CCDC102A: variants seen among roughly 807,000 people sequenced by gnomAD.
The protein encoded by CCDC102A is coiled-coil domain-containing protein 102A.
CCDC102A carries 40 observed loss-of-function variants against 55.5 expected under a neutral mutation model. That is an observed-to-expected ratio of 0.72 (90% CI 0.56 to 0.94). The LOEUF (loss-of-function observed/expected upper bound fraction) is 0.94. Among genes scored for constraint, CCDC102A ranks in the 40% least tolerant of loss-of-function variants. The pLI, the probability that CCDC102A is intolerant of heterozygous loss-of-function variation, is 0.00. For synonymous variants in CCDC102A, 323 were observed against 339.0 expected (o/e 0.95, Z 0.52); for missense variants, 779 against 768.6 (o/e 1.01, Z -0.16).
At position 57,516,183 on chromosome 16, in the gene CCDC102A, G is replaced by A; in HGVS notation, c.1419+110C>T. On this transcript the variant is annotated intron_variant, in intron 7 of 8. Transcript: ENST00000258214. This position sits in a 1 kb window ranked among gnomAD's most constrained non-coding sequence, Gnocchi z 4.4. ...ATCCTGGGCGACTCCTGAGAGACAG[G>A]CTTGTGCCAGGCACCAGGGGCTGAG... is the stretch of plus-strand genomic sequence containing the variant. 8.9e-7 allele frequency: 1 copy of A among 1,120,658 alleles called. No individual in the cohort carries two copies. Among genetic ancestry groups the A allele is most frequent in the East Asian group, 2.5e-5 (1 of 40,022 alleles). The allele number at this position is 1,120,658 out of a possible 1,614,324, so 69.4% of individuals were successfully genotyped here.
Position 57,529,189 on chromosome 16 carries a change from G to T in CCDC102A, c.-12C>A, listed in dbSNP as rs2032205511. ...GGCCCGTGGCTCATGGTGCGGCCGGGCGGGCCCTGAGCTCGAACTCGCGGT... is the reference window on the plus strand; with the variant it reads ...GGCCCGTGGCTCATGGTGCGGCCGGTCGGGCCCTGAGCTCGAACTCGCGGT... On this transcript the variant is annotated 5_prime_UTR_variant, in exon 2 of 9. Transcript: ENST00000258214. This position sits in a 1 kb window ranked among gnomAD's most constrained non-coding sequence, Gnocchi z 4.1. 1 of 1,177,832 alleles carries T rather than the reference G, an allele frequency of 8.5e-7. No individual in the cohort carries two copies. Among genetic ancestry groups the T allele is most frequent in the Admixed American group, 4.6e-5 (1 of 21,932 alleles). 73.0% of individuals were successfully genotyped at this position (1,177,832 alleles called of 1,614,324 possible). A position where few individuals can be genotyped will look rare whatever the true frequency, so the allele number is the denominator to read the frequency against.
At position 57,516,980 on chromosome 16, in the gene CCDC102A, AG is replaced by A. The variant is rs1429896529; in HGVS notation, c.1249-518del. Among the ~76,000 whole-genome samples the A allele has an allele frequency of 6.6e-6, 1 of 152,122 alleles. No homozygotes were observed. Among genetic ancestry groups the A allele is most frequent in the African/African-American group, 2.4e-5 (1 of 41,406 alleles). On this transcript the variant is annotated intron_variant, in intron 6 of 8. Coordinates refer to ENST00000258214, the MANE Select transcript of CCDC102A (RefSeq NM_033212.4). The surrounding 1 kb of genome is among the most constrained non-coding windows in gnomAD (Gnocchi z 4.4). ...TAAAATGGGAATAGGCATTGCCTAA[AG>A]GTCTCTTGAGTCCATCCTTTTTGTT...
At chr16:57,528,502 T>G in intron 2 of CCDC102A, 91 bp downstream of exon 2, 1 of 949,500 alleles carries the variant, frequency 1.1e-6, no homozygotes, top group Non-Finnish European at 1.3e-6. Flanking sequence ...GGCCAGGCCT[T>G]TACTAGCTTG....
intron 3 of CCDC102A, 99 bp from the exon 4 acceptor site, chr16:57,521,275 C>T (rs1044842370): frequency 1.1e-6 from 1 of 883,476 alleles, no homozygotes; most frequent in Non-Finnish European, 1.8e-6. Flanking sequence ...ACTTGTTGAG[C>T]CCAAGTCCAA....
upstream of CCDC102A, among the ~76,000 whole-genome samples, chr16:57,536,793 A>C (rs899530861): frequency 6.6e-5 from 10 of 151,900 alleles, no homozygotes; most frequent in Non-Finnish European, 1.3e-4. Flanking sequence ...CCGTACCCCA[A>C]CGGAGGCCCC....
chr16:57,534,531 C>A (rs1430267814), intron 1 of CCDC102A, among the ~76,000 whole-genome samples: 3 of 152,320 alleles, frequency 2.0e-5, no homozygotes, highest in Middle Eastern at 3.4e-3. Flanking sequence ...GAAGCCTTCT[C>A]TAACCTCTCT....
intron 8 of CCDC102A, 148 bp from the exon 9 acceptor site, chr16:57,513,018 C>T: frequency 1.6e-6 from 1 of 612,998 alleles, no homozygotes; most frequent in East Asian, 3.0e-5. Flanking sequence ...GATAGAAGTG[C>T]CATTATCACC....
Position 57,529,032 on chromosome 16 carries a change from G to T in CCDC102A, c.146C>A (p.Pro49His). 9.0e-7 allele frequency: 1 copy of T among 1,107,722 alleles called. No homozygotes were observed. The highest frequency in any genetic ancestry group is 1.1e-6 in the Non-Finnish European group (1 of 908,404). The allele number at this position is 1,107,722 out of a possible 1,614,324, so 68.6% of individuals were successfully genotyped here. The change falls in exon 2 of 9, where the codon CCC (proline) becomes CAC (histidine). Residue 49 changes from proline (P) to histidine (H), a missense_variant. Transcript: ENST00000258214. The surrounding 1 kb of genome is among the most constrained non-coding windows in gnomAD (Gnocchi z 4.1). ...PPTPPSGTPSPGPPPALPLPP... is the reference protein window; with the variant it reads ...PPTPPSGTPSHGPPPALPLPP... Reference sequence around the variant, plus strand: ...CAGGGGCAGTGCGGGCGGCGGCCCGGGCGAGGGCGTGCCGCTGGGCGGCGT... The same window carrying T: ...CAGGGGCAGTGCGGGCGGCGGCCCGTGCGAGGGCGTGCCGCTGGGCGGCGT...
In CCDC102A at chr16:57,529,365, C is replaced by G. The variant is rs2032209751; in HGVS notation, c.-147-41G>C. ...ACCGTTATTGGACTGCGACCACCGT[C>G]AGTCTCGAAGATCAGCCGCGCCAAG... is the stretch of plus-strand genomic sequence containing the variant. On this transcript the variant is annotated intron_variant, in intron 1 of 8. Transcript: ENST00000258214. The surrounding 1 kb of genome is among the most constrained non-coding windows in gnomAD (Gnocchi z 4.1). The G allele has an allele frequency of 5.3e-6, 4 of 754,394 alleles. No individual in the cohort carries two copies. Among genetic ancestry groups the G allele is most frequent in the African/African-American group, 1.9e-5 (1 of 52,642 alleles). 46.7% of individuals were successfully genotyped at this position (754,394 alleles called of 1,614,324 possible). A position where few individuals can be genotyped will look rare whatever the true frequency, so the allele number is the denominator to read the frequency against.
intron 7 of CCDC102A, among the ~76,000 whole-genome samples, 168 bp from the exon 8 acceptor site, chr16:57,515,612 T>G (rs2031942451): frequency 6.6e-6 from 1 of 151,996 alleles, no homozygotes; most frequent in Non-Finnish European, 1.5e-5. Flanking sequence ...AAAGCATCCC[T>G]TTGGTTCCTC....
At chr16:57,522,893 G>A (rs2032076379) in intron 3 of CCDC102A, among the ~76,000 whole-genome samples, 2 of 152,236 alleles carry the variant, frequency 1.3e-5, no homozygotes, top group Non-Finnish European at 2.9e-5. Flanking sequence ...CAGGCTGGGC[G>A]CAGTGGCTTA....
rs548111985 is a variant in CCDC102A, at chr16:57,529,383, G to A, written c.-147-59C>T. On this transcript the variant is annotated intron_variant, in intron 1 of 8. Transcript: ENST00000258214. The surrounding 1 kb of genome is among the most constrained non-coding windows in gnomAD (Gnocchi z 4.1). ...CCACCGTCAGTCTCGAAGATCAGCC[G>A]CGCCAAGGCCCTGGCGGAGGGAACA... is the stretch of plus-strand genomic sequence containing the variant. 265 of 511,088 alleles carry A rather than the reference G, an allele frequency of 5.2e-4. No homozygotes were observed. The African/African-American group carries it at 5.3e-3, about 10-fold the overall frequency. The allele number at this position is 511,088 out of a possible 1,614,324, so 31.7% of individuals were successfully genotyped here. A position where few individuals can be genotyped will look rare whatever the true frequency, so the allele number is the denominator to read the frequency against.
intron 4 of CCDC102A, among the ~76,000 whole-genome samples, chr16:57,519,219 C>T (rs1417160774): frequency 6.6e-6 from 1 of 152,246 alleles, no homozygotes; most frequent in Non-Finnish European, 1.5e-5. Flanking sequence ...TTCCTGCCCA[C>T]CACAGGGCCT....
chr16:57,530,529 C>T (rs1282529189), intron 1 of CCDC102A, among the ~76,000 whole-genome samples: 1 of 152,244 alleles, frequency 6.6e-6, no homozygotes, highest in Non-Finnish European at 1.5e-5. Flanking sequence ...CCTGGCAGCC[C>T]TCTATGTCCC....
chr16:57,525,792 C>A, intron 3 of CCDC102A, 109 bp downstream of exon 3: 1 of 966,372 alleles, frequency 1.0e-6, no homozygotes. Context: ...TTCCAAGATA[C>A]AGTCTAAACA....
At chr16:57,518,483 G>A in intron 5 of CCDC102A, 142 bp downstream of exon 5, 1 of 806,946 alleles carries the variant, frequency 1.2e-6, no homozygotes, top group Admixed American at 2.1e-5. Context: ...CCTGCCTCTT[G>A]CAGATCAGGA....
chr16:57,512,972 T>C, intron 8 of CCDC102A, 102 bp from the exon 9 acceptor site: 3 of 930,870 alleles, frequency 3.2e-6, no homozygotes, highest in South Asian at 1.5e-5. Context: ...CCCTGGTGCT[T>C]TCCCTGCTGT....
rs770971705 is a variant in CCDC102A, at chr16:57,528,806, C to G, written c.372G>C (p.Gln124His). Reference sequence around the variant, plus strand: ...TGAGCGCGTCCAGGCGCTGGCGCAGCTGGCGCACCTCCTCGCGCGCGCGGT... The same window carrying G: ...TGAGCGCGTCCAGGCGCTGGCGCAGGTGGCGCACCTCCTCGCGCGCGCGGT... ...ERNRAREEVR[Q>H]LRQRLDALTK... The change falls in exon 2 of 9, where the codon CAG becomes CAC. Residue 124 changes from glutamine to histidine, a missense_variant. Physicochemically the swap from Gln to His is conservative, Grantham distance 24. Coordinates refer to ENST00000258214, the MANE Select transcript of CCDC102A (RefSeq NM_033212.4). 5 of 1,232,462 alleles carry G rather than the reference C, an allele frequency of 4.1e-6. No individual in the cohort carries two copies. The highest frequency in any genetic ancestry group is 5.1e-6 in the Non-Finnish European group (5 of 977,998). 76.3% of individuals were successfully genotyped at this position (1,232,462 alleles called of 1,614,324 possible). A position where few individuals can be genotyped will look rare whatever the true frequency, so the allele number is the denominator to read the frequency against.
At chr16:57,523,388 C>T (rs1257888732) in intron 3 of CCDC102A, among the ~76,000 whole-genome samples, 1 of 152,114 alleles carries the variant, frequency 6.6e-6, no homozygotes, top group Non-Finnish European at 1.5e-5. Flanking sequence ...TGCTGGCCAT[C>T]TTTGGTATTC....
Sources: allele counts gnomAD v4.1 joint callset (sites outside exome capture counted in the v4.1 genomes callset), GRCh38; gene constraint gnomAD v4.1.1; non-coding constraint Gnocchi (gnomAD v3.1); transcripts MANE v1.5; gene names NCBI Gene and HGNC (gene_info 2026-07-23, HGNC 2026-07-21).